The following DOCK5 variants were observed in gnomAD, a reference collection of about 807,000 sequenced individuals.
DOCK5 encodes dedicator of cytokinesis 5.
DOCK5 carries 142 observed loss-of-function variants against 251.8 expected under a neutral mutation model. That is an observed-to-expected ratio of 0.56 (90% CI 0.49 to 0.65). DOCK5 has a LOEUF of 0.65. Among genes scored for constraint, DOCK5 ranks in the 30% least tolerant of loss-of-function variants. The pLI is 0.00. For synonymous variants in DOCK5, 842 were observed against 835.5 expected (o/e 1.01, Z -0.13); for missense variants, 2,111 against 2,312.3 (o/e 0.91, Z 1.79).
At position 25,404,208 on chromosome 8, in the gene DOCK5, G is replaced by A. The variant is rs149583160; in HGVS notation, c.5093+484G>A. ...AGGTTCACAAGCATTGCGTAATTAT[G>A]TGTTCTTCCCCACACTTTTTTTATA... On this transcript the variant is annotated intron_variant, in intron 48 of 51. Coordinates refer to ENST00000276440, the MANE Select transcript of DOCK5 (RefSeq NM_024940.8). Among the ~76,000 whole-genome samples the A allele has an allele frequency of 3.5e-3, 539 of 152,160 alleles. 5 individuals carry two copies. The highest frequency in any genetic ancestry group is 0.033 in the South Asian group (157 of 4,820).
At chr8:25,391,790 G>T (rs1801263606) in intron 42 of DOCK5, 106 bp from the exon 43 acceptor site, 1 of 888,830 alleles carries the variant, frequency 1.1e-6, no homozygotes, top group Non-Finnish European at 1.7e-6. Flanking sequence ...ATAGCTTAGT[G>T]GGTAAAACTC....
At chr8:25,265,185 T>G (rs932212735) in intron 2 of DOCK5, among the ~76,000 whole-genome samples, 3 of 151,956 alleles carry the variant, frequency 2.0e-5, no homozygotes, top group Middle Eastern at 3.2e-3. Flanking sequence ...TTAGAAGCAT[T>G]AAGTCTGGGC....
At chr8:25,401,390 G>C (rs560375005) in intron 47 of DOCK5, among the ~76,000 whole-genome samples, 1 of 152,066 alleles carries the variant, frequency 6.6e-6, no homozygotes, top group Non-Finnish European at 1.5e-5. Flanking sequence ...AGAAGTTCCC[G>C]GGTGATATTG....
At chr8:25,403,478 C>T in intron 47 of DOCK5, 80 bp from the exon 48 acceptor site, 1 of 1,508,952 alleles carries the variant, frequency 6.6e-7, no homozygotes, top group Non-Finnish European at 9.1e-7. Context: ...TGGTTAGCCA[C>T]AAGCAAACAG....
intron 37 of DOCK5, chr8:25,375,068 C>T: frequency 1.2e-6 from 1 of 861,838 alleles, no homozygotes; most frequent in South Asian, 2.8e-5. Flanking sequence ...ATAAATACAT[C>T]TATATGTTAT....
intron 5 of DOCK5, among the ~76,000 whole-genome samples, chr8:25,286,917 G>T (rs1430258355): frequency 6.6e-6 from 1 of 152,114 alleles, no homozygotes; most frequent in East Asian, 1.9e-4. Context: ...CTAGGCTCAA[G>T]CAGTCTTCCT....
At chr8:25,215,557 C>T (rs541648013) in intron 1 of DOCK5, among the ~76,000 whole-genome samples, 10 of 152,084 alleles carry the variant, frequency 6.6e-5, no homozygotes, top group South Asian at 2.1e-4. Context: ...CAGTGACTCT[C>T]GGGAGGGCAC....
chr8:25,333,688 TG>T (rs1488585705), intron 20 of DOCK5, among the ~76,000 whole-genome samples: 2 of 152,206 alleles, frequency 1.3e-5, no homozygotes, highest in Non-Finnish European at 2.9e-5. Flanking sequence ...CAGTTGTTAC[TG>T]GGGGCACTCA....
intron 12 of DOCK5, 48 bp downstream of exon 12, chr8:25,308,973 A>C (rs752976345): frequency 6.3e-7 from 1 of 1,583,568 alleles, no homozygotes; most frequent in Non-Finnish European, 8.6e-7. Flanking sequence ...AGGGTGGGGG[A>C]CATTCACAGC....
intron 1 of DOCK5, among the ~76,000 whole-genome samples, chr8:25,232,275 G>GAATGCAATGCAATGCAATGCAGATGC (rs1176128372): frequency 3.9e-5 from 3 of 77,242 alleles, no homozygotes; most frequent in Non-Finnish European, 6.5e-5. Context: ...CTGCAATGCA[G>GAATGCAATGCAATGCAATGCAGATGC]AATGCAATGC....
intron 5 of DOCK5, among the ~76,000 whole-genome samples, chr8:25,289,784 G>A (rs1003266557): frequency 2.0e-5 from 3 of 152,026 alleles, no homozygotes; most frequent in Admixed American, 6.6e-5. Flanking sequence ...GGAGGTTGTC[G>A]TGAGCTGAGA....
chr8:25,396,866 CTG>C (rs1474499799), intron 45 of DOCK5, among the ~76,000 whole-genome samples: 2 of 151,780 alleles, frequency 1.3e-5, no homozygotes, highest in African/African-American at 4.8e-5. Context: ...CAATTGGCCA[CTG>C]TGTGCTCTGG....
At chr8:25,376,961 T>C (rs1196177997) in intron 37 of DOCK5, 1 of 165,478 alleles carries the variant, frequency 6.0e-6, no homozygotes, top group Non-Finnish European at 1.3e-5. Context: ...CCATAATGTT[T>C]GCAAATTGTG....
intron 10 of DOCK5, among the ~76,000 whole-genome samples, chr8:25,303,187 GAC>G (rs1429286092): frequency 6.6e-6 from 1 of 152,196 alleles, no homozygotes; most frequent in East Asian, 1.9e-4. Flanking sequence ...GTCAGTATCA[GAC>G]ACGCAGCATT....
chr8:25,314,204 G>T (rs73560448), intron 13 of DOCK5, among the ~76,000 whole-genome samples: 7,277 of 146,452 alleles, frequency 0.05, 305 homozygotes, highest in African/African-American at 0.11. Context: ...CTCGATCTCC[G>T]AGGCTCAAGC....
chr8:25,399,484 A>G (rs1457559261), intron 45 of DOCK5, among the ~76,000 whole-genome samples: 1 of 152,156 alleles, frequency 6.6e-6, no homozygotes, highest in Middle Eastern at 3.2e-3. Context: ...ACGAGCAGAA[A>G]AACTGTCACC....
At chr8:25,187,516 C>G (rs1278655215) in intron 1 of DOCK5, among the ~76,000 whole-genome samples, 1 of 151,604 alleles carries the variant, frequency 6.6e-6, no homozygotes, top group African/African-American at 2.4e-5. Flanking sequence ...ACAAAAGGAC[C>G]CACAGTTGGG....
intron 13 of DOCK5, 139 bp downstream of exon 13, chr8:25,310,671 G>C (rs1440280951): frequency 1.0e-6 from 1 of 960,016 alleles, no homozygotes; most frequent in African/African-American, 1.7e-5. Context: ...CACAAACAGA[G>C]ACACCTGCAA....
chr8:25,223,893 C>T (rs527333081), intron 1 of DOCK5, among the ~76,000 whole-genome samples: 3 of 152,172 alleles, frequency 2.0e-5, no homozygotes, highest in Non-Finnish European at 4.4e-5. Context: ...TGAGGCTCAT[C>T]ATAACAGACA....
Sources: allele counts gnomAD v4.1 joint callset (sites outside exome capture counted in the v4.1 genomes callset), GRCh38; gene constraint gnomAD v4.1.1; transcripts MANE v1.5; gene names NCBI Gene and HGNC (gene_info 2026-07-23, HGNC 2026-07-21).